SOX5: variants seen among roughly 807,000 people sequenced by gnomAD.
SOX5 encodes SRY-box transcription factor 5, also known as transcription factor SOX-5.
Under a neutral mutation model 92.0 loss-of-function variants are expected in SOX5, and 9 were observed. The observed-to-expected ratio is 0.10, with a 90% confidence interval of 0.06 to 0.17. The LOEUF is 0.17. SOX5 is among the 10% of genes least tolerant of loss of function. The pLI, the probability that SOX5 is intolerant of heterozygous loss-of-function variation, is 1.00. For missense variants in SOX5, 642 were observed against 944.5 expected (o/e 0.68, Z 4.20); for synonymous variants, 344 against 336.3 (o/e 1.02, Z -0.25).
intron 7 of SOX5, among the ~76,000 whole-genome samples, chr12:23,646,288 C>T (rs1361253812): frequency 6.6e-6 from 1 of 152,106 alleles, no homozygotes; most frequent in South Asian, 2.1e-4. Flanking sequence ...AATCCTCTCA[C>T]CTCAGTCTCT....
intron 10 of SOX5, 24 bp from the exon 11 acceptor site, chr12:23,563,427 A>G (rs1238030450): frequency 5.0e-6 from 8 of 1,608,164 alleles, no homozygotes; most frequent in Non-Finnish European, 6.8e-6. Flanking sequence ...AGATCAAAGG[A>G]TATCTTTTGT....
Position 23,628,829 on chromosome 12 carries a change from A to G in SOX5, c.1017+11983T>C, listed in dbSNP as rs145892731. ...TTTTTTTTATTTTTATTTTTTCTGT[A>G]GGAATCAAATAGGGCTCTATTTTCA... is the stretch of plus-strand genomic sequence containing the variant. On this transcript the variant is annotated intron_variant, in intron 8 of 14. Coordinates refer to ENST00000451604, the MANE Select transcript of SOX5 (RefSeq NM_006940.6). 5.2e-3 allele frequency among the ~76,000 whole-genome samples: 785 copies of G among 151,230 alleles called. 10 individuals are homozygous for G. The highest frequency in any genetic ancestry group is 0.018 in the African/African-American group (750 of 41,202).
At chr12:24,375,994 G>A (rs1957225454) in intron 1 of SOX5, among the ~76,000 whole-genome samples, 1 of 151,890 alleles carries the variant, frequency 6.6e-6, no homozygotes, top group Non-Finnish European at 1.5e-5. Flanking sequence ...CATACAAAAG[G>A]AACCAAGCAC....
chr12:24,050,273 G>C (rs1038042933), intron 4 of SOX5, among the ~76,000 whole-genome samples: 3 of 151,902 alleles, frequency 2.0e-5, no homozygotes, highest in African/African-American at 7.3e-5. Context: ...AAAAATGCTA[G>C]GTTTTTCATT....
At chr12:24,352,920 G>A (rs536056979) in intron 2 of SOX5, among the ~76,000 whole-genome samples, 1 of 152,222 alleles carries the variant, frequency 6.6e-6, no homozygotes, top group South Asian at 2.1e-4. Context: ...GCAGGTACAA[G>A]GTCTTTGAAC....
At chr12:24,095,610 C>A (rs780683198) in intron 4 of SOX5, among the ~76,000 whole-genome samples, 1 of 152,068 alleles carries the variant, frequency 6.6e-6, no homozygotes, top group Non-Finnish European at 1.5e-5. Flanking sequence ...ACAAGATTAT[C>A]ATTAACCAAC....
intron 2 of SOX5, among the ~76,000 whole-genome samples, chr12:23,873,819 C>T (rs2096899676): frequency 6.6e-6 from 1 of 152,144 alleles, no homozygotes; most frequent in African/African-American, 2.4e-5. Context: ...AAGAGATTCA[C>T]AGAGCAGGTT....
intron 6 of SOX5, among the ~76,000 whole-genome samples, chr12:23,676,243 T>C (rs1273106583): frequency 6.6e-6 from 1 of 152,126 alleles, no homozygotes; most frequent in Non-Finnish European, 1.5e-5. Context: ...AAAGTAATTA[T>C]GTGAGGTGAT....
intron 4 of SOX5, among the ~76,000 whole-genome samples, chr12:24,010,298 G>A (rs556642064): frequency 6.6e-6 from 1 of 152,220 alleles, no homozygotes; most frequent in African/African-American, 2.4e-5. Context: ...ATACCCCAAG[G>A]TGCATCTCTA....
chr12:23,764,588 T>C (rs1305828189), intron 3 of SOX5, among the ~76,000 whole-genome samples: 1 of 152,066 alleles, frequency 6.6e-6, no homozygotes, highest in Non-Finnish European at 1.5e-5. Context: ...ATTTGAATTA[T>C]AAATGGAGCA....
chr12:23,779,955 CTG>C (rs10686652), intron 3 of SOX5, among the ~76,000 whole-genome samples: 3,476 of 136,516 alleles, frequency 0.025, 51 homozygotes, highest in African/African-American at 0.036. Context: ...CACAGCGAGA[CTG>C]TGTGTGTGTG....
intron 4 of SOX5, among the ~76,000 whole-genome samples, chr12:24,086,523 G>A (rs1360898077): frequency 6.6e-6 from 1 of 151,844 alleles, no homozygotes; most frequent in East Asian, 1.9e-4. Context: ...AGAGTAAACT[G>A]TCATGTTTTA....
At chr12:24,447,894 A>C (rs1818906795) in intron 1 of SOX5, among the ~76,000 whole-genome samples, 6 of 152,086 alleles carry the variant, frequency 3.9e-5, no homozygotes, top group Admixed American at 3.9e-4. Context: ...ATTGTTCTTA[A>C]GTGTGGCCGG....
chr12:23,714,617 T>C lies in SOX5; in HGVS notation c.810+20067A>G, dbSNP rs377220924. 5.3e-4 allele frequency among the ~76,000 whole-genome samples: 80 copies of C among 152,080 alleles called. 2 individuals are homozygous for C. Among genetic ancestry groups the C allele is most frequent in the African/African-American group, 1.9e-3 (77 of 41,446 alleles). On this transcript the variant is annotated intron_variant, in intron 6 of 14. Transcript: ENST00000451604. ...GTGCGGGTGACAGAGTGAAAGTGTG[T>C]CTCAAAAAACAAGCAAACAACAAAA...
chr12:23,919,912 TAC>T (rs1380142144), intron 1 of SOX5: 1 of 152,164 alleles, frequency 6.6e-6, no homozygotes, highest in Non-Finnish European at 1.5e-5. Flanking sequence ...GTTTGAAAAA[TAC>T]AGAGTCCAAA....
At chr12:24,456,643 T>A (rs541906625) in intron 1 of SOX5, among the ~76,000 whole-genome samples, 1 of 152,334 alleles carries the variant, frequency 6.6e-6, no homozygotes, top group Non-Finnish European at 1.5e-5. Context: ...ATGTGGGAAC[T>A]GACCACAGAG....
chr12:24,188,527 G>GCTTT (rs1364147815), intron 4 of SOX5, among the ~76,000 whole-genome samples: 3 of 151,902 alleles, frequency 2.0e-5, no homozygotes, highest in Non-Finnish European at 2.9e-5. Context: ...AGTCTTAAAG[G>GCTTT]GTAACAGTAA....
chr12:24,189,568 T>C (rs10842291), intron 4 of SOX5, among the ~76,000 whole-genome samples: 32,766 of 152,060 alleles, frequency 0.22, 4,077 homozygotes, highest in African/African-American at 0.34. Context: ...TCCAATTATT[T>C]CTCAGTGGAA....
intron 1 of SOX5, among the ~76,000 whole-genome samples, chr12:24,473,665 C>T (rs77384083): frequency 0.017 from 2,550 of 152,274 alleles, 28 homozygotes; most frequent in Non-Finnish European, 0.028. Flanking sequence ...TCAAATAACA[C>T]TCATTGTAAG....
Sources: allele counts gnomAD v4.1 joint callset (sites outside exome capture counted in the v4.1 genomes callset), GRCh38; gene constraint gnomAD v4.1.1; transcripts MANE v1.5; gene names NCBI Gene and HGNC (gene_info 2026-07-23, HGNC 2026-07-21).